ATP11A: variants seen among roughly 807,000 people sequenced by gnomAD.
The protein encoded by ATP11A is phospholipid-transporting ATPase IH.
ATP11A carries 81 observed loss-of-function variants against 154.4 expected under a neutral mutation model. That is an observed-to-expected ratio of 0.52 (90% CI 0.44 to 0.63). The LOEUF is 0.63. Among genes scored for constraint, ATP11A ranks in the 30% least tolerant of loss-of-function variants. The pLI is 0.00. For missense variants in ATP11A, 1,316 were observed against 1,474.3 expected, an observed-to-expected ratio of 0.89 and a Z score of 1.76; for synonymous variants, 623 against 585.9, an observed-to-expected ratio of 1.06 and a Z score of -0.91.
At chr13:112,839,858 CTGT>C (rs1279092981) in intron 16 of ATP11A, among the ~76,000 whole-genome samples, 8 of 152,286 alleles carry the variant, frequency 5.3e-5, no homozygotes, top group African/African-American at 1.9e-4. Flanking sequence ...AAAAAATGTG[CTGT>C]TGTTCAAGAA....
intron 1 of ATP11A, among the ~76,000 whole-genome samples, chr13:112,780,446 T>C (rs1231111965): frequency 6.6e-6 from 1 of 152,234 alleles, no homozygotes; most frequent in Non-Finnish European, 1.5e-5. Context: ...ATGGTGTTGC[T>C]TCACACATGG....
chr13:112,874,047 T>C (rs2080635674), intron 27 of ATP11A, among the ~76,000 whole-genome samples: 1 of 152,290 alleles, frequency 6.6e-6, no homozygotes, highest in Non-Finnish European at 1.5e-5. Context: ...TCACAGCAAG[T>C]CCCAGCTGGT....
rs1159373791 is a variant in ATP11A, at chr13:112,690,632, C to T, written c.39+177C>T. Among the ~76,000 whole-genome samples, 2 of 151,844 alleles carry T rather than the reference C, an allele frequency of 1.3e-5. No homozygotes were observed. Among genetic ancestry groups the T allele is most frequent in the African/African-American group, 2.4e-5 (1 of 41,364 alleles). On this transcript the variant is annotated intron_variant, in intron 1 of 29. Transcript: ENST00000375645. This position sits in a 1 kb window ranked among gnomAD's most constrained non-coding sequence, Gnocchi z 5.6. Reference sequence around the variant, plus strand: ...TGGGGAGGGGCCTCGGAGTTGACACCCTGGGGCTTCCGACGGGGTCTAGGT... The same window carrying T: ...TGGGGAGGGGCCTCGGAGTTGACACTCTGGGGCTTCCGACGGGGTCTAGGT...
Position 112,806,927 on chromosome 13 carries a change from G to A in ATP11A, c.333+634G>A, listed in dbSNP as rs74115490. Reference sequence around the variant, plus strand: ...GACTGGCTCTTTCACTCAGCATGATGTTTTCAAGGTTTCTCTGCATCTGAG... The same window carrying A: ...GACTGGCTCTTTCACTCAGCATGATATTTTCAAGGTTTCTCTGCATCTGAG... On this transcript the variant is annotated intron_variant, in intron 4 of 29. Coordinates refer to ENST00000375645, the MANE Select transcript of ATP11A (RefSeq NM_015205.3). 2.3e-3 allele frequency among the ~76,000 whole-genome samples: 353 copies of A among 152,300 alleles called. 2 individuals carry two copies. The highest frequency in any genetic ancestry group is 8.1e-3 in the African/African-American group (338 of 41,560).
In ATP11A at chr13:112,873,554, C is replaced by CTTT; in HGVS notation, c.3058-11_3058-9dup. On this transcript the variant is annotated intron_variant, in intron 26 of 29. Transcript: ENST00000375645. ...TGCTCAGATGACACCGTTAACTGCCCTTTTTTTTTTCCTTTTAGCTTGCAT... is the reference window on the plus strand; with the variant it reads ...TGCTCAGATGACACCGTTAACTGCCCTTTTTTTTTTTTTCCTTTTAGCTTGCAT... 7.3e-7 allele frequency: 1 copy of CTTT among 1,370,352 alleles called. No individual in the cohort carries two copies. Among genetic ancestry groups the CTTT allele is most frequent in the Non-Finnish European group, 9.9e-7 (1 of 1,008,064 alleles). 84.9% of individuals were successfully genotyped at this position (1,370,352 alleles called of 1,614,324 possible). A position where few individuals can be genotyped will look rare whatever the true frequency, so the allele number is the denominator to read the frequency against.
At position 112,746,295 on chromosome 13, in the gene ATP11A, C is replaced by T. The variant is rs1892127168; in HGVS notation, c.40-38840C>T. 1 of 152,250 alleles carries T rather than the reference C, an allele frequency of 6.6e-6. No individual in the cohort carries two copies. The highest frequency in any genetic ancestry group is 2.4e-5 in the African/African-American group (1 of 41,460). 9.4% of individuals were successfully genotyped at this position (152,250 alleles called of 1,614,324 possible). On this transcript the variant is annotated intron_variant, in intron 1 of 29. Transcript: ENST00000375645. This position sits in a 1 kb window ranked among gnomAD's most constrained non-coding sequence, Gnocchi z 4.1. ...TAGCAGCCGTGTCGTTTCACACTTG[C>T]ACCAACAGTGCACAGGGCTCCGGTT... is the stretch of plus-strand genomic sequence containing the variant.
At chr13:112,846,355 G>A (rs1169892732) in intron 17 of ATP11A, among the ~76,000 whole-genome samples, 3 of 152,038 alleles carry the variant, frequency 2.0e-5, no homozygotes, top group Admixed American at 2.0e-4. Context: ...TTTAGAGACG[G>A]TTTCTGTTGC....
chr13:112,857,120 G>T (rs2079952036), intron 20 of ATP11A, among the ~76,000 whole-genome samples: 1 of 152,168 alleles, frequency 6.6e-6, no homozygotes, highest in South Asian at 2.1e-4. Context: ...ACTGGCTTTT[G>T]AAACATTTCA....
At chr13:112,812,127 G>A (rs1263812619) in intron 5 of ATP11A, 5 of 152,288 alleles carry the variant, frequency 3.3e-5, no homozygotes, top group African/African-American at 9.6e-5. Flanking sequence ...ATCTCAATAT[G>A]TTTCAAAATA....
At chr13:112,692,624 T>C (rs1353624617) in intron 1 of ATP11A, among the ~76,000 whole-genome samples, 1 of 152,242 alleles carries the variant, frequency 6.6e-6, no homozygotes, top group Non-Finnish European at 1.5e-5. Context: ...ATATACATTA[T>C]TGGATAACGT....
intron 1 of ATP11A, among the ~76,000 whole-genome samples, chr13:112,702,403 G>GGCCCCCCGCCCC (rs911117044): frequency 1.3e-5 from 2 of 151,962 alleles, no homozygotes; most frequent in Non-Finnish European, 2.9e-5. Flanking sequence ...ACCACACGGA[G>GGCCCCCCGCCCC]GCCCCCCGCC....
intron 2 of ATP11A, 84 bp from the exon 3 acceptor site, chr13:112,804,873 C>T: frequency 1.4e-6 from 1 of 729,668 alleles, no homozygotes; most frequent in Non-Finnish European, 2.2e-6. Context: ...CTGTAAAATC[C>T]AGTGCTACTT....
rs546683023 is a variant in ATP11A, at chr13:112,878,253, A to G, written c.3364A>G (p.Ile1122Val). ...SQCLSVEQST[I>V]FMLSQTSSSL... ...GTGCCTTTCTGTCGAGCAGTCAACC[A>G]TCTTTATGCTTTCTCAGACTTCCAG... The change falls in exon 29 of 30, where the codon ATC (isoleucine) becomes GTC (valine). Residue 1122 changes from isoleucine to valine, a missense_variant. Ile to Val is a conservative substitution (Grantham distance 29, BLOSUM62 3). This residue lies in a region of ATP11A where 294 missense variants were observed against 290.2 expected (regional missense o/e 1.01). Coordinates refer to ENST00000375645, the MANE Select transcript of ATP11A (RefSeq NM_015205.3). 6.2e-6 allele frequency: 10 copies of G among 1,614,196 alleles called. No individual in the cohort carries two copies. The South Asian group carries it at 1.1e-4, about 18-fold the overall frequency.
intron 1 of ATP11A, among the ~76,000 whole-genome samples, chr13:112,714,893 C>T (rs941755996): frequency 3.9e-5 from 6 of 152,188 alleles, no homozygotes; most frequent in Non-Finnish European, 4.4e-5. Flanking sequence ...GCAGAACTTC[C>T]GCTTCTTCCC....
intron 1 of ATP11A, among the ~76,000 whole-genome samples, chr13:112,699,232 A>G (rs926708726): frequency 1.3e-5 from 2 of 152,234 alleles, no homozygotes; most frequent in African/African-American, 4.8e-5. Flanking sequence ...GTTATTCTCA[A>G]GGATAAAGAC....
At chr13:112,845,701 T>TAGCGGTACTAACCAGTCCAGTTACCA (rs2079576115) in intron 17 of ATP11A, among the ~76,000 whole-genome samples, 1 of 42,694 alleles carries the variant, frequency 2.3e-5, no homozygotes, top group African/African-American at 2.4e-4. Context: ...GTCCAGTTGC[T>TAGCGGTACTAACCAGTCCAGTTACCA]GGCACTAGCG....
chr13:112,858,399 G>T (rs2140351132), intron 22 of ATP11A, 109 bp downstream of exon 22: 1 of 1,165,956 alleles, frequency 8.6e-7, no homozygotes, highest in East Asian at 2.5e-5. Context: ...GATCTCCGAG[G>T]AGCAGCAACT....
chr13:112,831,301 G>T, intron 12 of ATP11A, 74 bp from the exon 13 acceptor site: 1 of 1,524,610 alleles, frequency 6.6e-7, no homozygotes. Flanking sequence ...GAGGAAACAC[G>T]GCTGCTGTGT....
At chr13:112,823,711 G>A (rs547966799) in intron 9 of ATP11A, among the ~76,000 whole-genome samples, 16 of 152,320 alleles carry the variant, frequency 1.1e-4, no homozygotes, top group African/African-American at 3.1e-4. Flanking sequence ...TCATGTCTGC[G>A]TTTCTTGACT....
Sources: gnomAD v4.1 joint callset for allele counts (sites outside exome capture counted in the v4.1 genomes callset) on GRCh38, gnomAD v4.1.1 for gene constraint, gnomAD v4.1.1 regional missense constraint, Gnocchi (gnomAD v3.1) non-coding constraint, MANE v1.5 for transcripts, NCBI Gene and HGNC (gene_info 2026-07-23, HGNC 2026-07-21) for gene names.